GALNT13: variants seen among roughly 807,000 people sequenced by gnomAD.
GALNT13 encodes the protein polypeptide N-acetylgalactosaminyltransferase 13.
A neutral mutation model predicts 64.2 loss-of-function variants in GALNT13; 28 were observed. That is an observed-to-expected ratio of 0.44 (90% CI 0.32 to 0.60). The LOEUF is 0.60. Ranked by LOEUF, GALNT13 falls within the 20% of genes least tolerant of loss-of-function variation. The pLI is 0.05. For missense variants in GALNT13, 577 were observed against 669.8 expected, an observed-to-expected ratio of 0.86 and a Z score of 1.53; for synonymous variants, 214 against 224.6, an observed-to-expected ratio of 0.95 and a Z score of 0.42.
chr2:153,630,880 A>C, the GALNT13 span, among the ~76,000 whole-genome samples: 1 of 138,970 alleles, frequency 7.2e-6, no homozygotes, highest in Admixed American at 7.7e-5. Context: ...TTACATATGT[A>C]TACATGTGCC....
At chr2:154,356,678 CATTA>C (rs1442271405) in intron 9 of GALNT13, among the ~76,000 whole-genome samples, 1 of 151,882 alleles carries the variant, frequency 6.6e-6, no homozygotes, top group African/African-American at 2.4e-5. Flanking sequence ...AAACCTCCGC[CATTA>C]ATTTACTTAC....
the GALNT13 span, among the ~76,000 whole-genome samples, chr2:153,435,603 A>T: frequency 2.6e-5 from 4 of 151,896 alleles, no homozygotes; most frequent in Non-Finnish European, 5.9e-5. Flanking sequence ...TGTGAATGGG[A>T]TTTCACTCAT....
At chr2:153,631,749 C>T in the GALNT13 span, among the ~76,000 whole-genome samples, 15 of 152,202 alleles carry the variant, frequency 9.9e-5, no homozygotes, top group South Asian at 2.1e-4. Context: ...TTCTCCCATT[C>T]TGTAGGTTGC....
At chr2:153,879,673 G>A (rs562052847) in intron 1 of GALNT13, among the ~76,000 whole-genome samples, 10 of 151,828 alleles carry the variant, frequency 6.6e-5, no homozygotes, top group Admixed American at 1.3e-4. Context: ...GATCCTGGCC[G>A]TGCTTTGAGC....
At chr2:153,489,809 T>C in the GALNT13 span, among the ~76,000 whole-genome samples, 2 of 152,148 alleles carry the variant, frequency 1.3e-5, no homozygotes, top group Non-Finnish European at 2.9e-5. Context: ...TATAATAGCA[T>C]ATCAAAACTG....
chr2:153,179,345 G>T, the GALNT13 span, among the ~76,000 whole-genome samples: 1 of 152,080 alleles, frequency 6.6e-6, no homozygotes, highest in African/African-American at 2.4e-5. Context: ...CACCTTTATT[G>T]AAAATCAATT....
Position 154,391,745 on chromosome 2 carries a change from A to G in GALNT13, c.1157-4246A>G, listed in dbSNP as rs536617505. The stretch of plus-strand genomic sequence containing the variant: ...TAGTCACAATATCTTGTAAGATATT[A>G]TCAGGTAGGATACCTTATCCTTCAA... On this transcript the variant is annotated intron_variant, in intron 9 of 12. Transcript: ENST00000392825. Among the ~76,000 whole-genome samples the G allele has an allele frequency of 7.2e-5, 11 of 152,352 alleles. No individual in the cohort carries two copies. In the South Asian group the frequency reaches 2.3e-3, roughly 32 times the overall value.
At chr2:153,731,176 C>A in the GALNT13 span, among the ~76,000 whole-genome samples, 1 of 149,352 alleles carries the variant, frequency 6.7e-6, no homozygotes, top group Non-Finnish European at 1.5e-5. Context: ...TTATATAAAA[C>A]ATATTGTCAT....
chr2:154,064,076 G>A (rs967216823), intron 3 of GALNT13, among the ~76,000 whole-genome samples: 14 of 152,164 alleles, frequency 9.2e-5, no homozygotes, highest in African/African-American at 3.1e-4. Flanking sequence ...CTTGCAGGAT[G>A]GAGAGGCCAG....
At chr2:154,353,233 T>C (rs1696511728) in intron 9 of GALNT13, among the ~76,000 whole-genome samples, 1 of 152,202 alleles carries the variant, frequency 6.6e-6, no homozygotes, top group Non-Finnish European at 1.5e-5. Flanking sequence ...TCTATATTCA[T>C]GGAACCCCTG....
chr2:153,645,337 A>G, the GALNT13 span, among the ~76,000 whole-genome samples: 2 of 152,124 alleles, frequency 1.3e-5, no homozygotes, highest in African/African-American at 4.8e-5. Flanking sequence ...GCATAATTTC[A>G]TAGTATTGTA....
the GALNT13 span, among the ~76,000 whole-genome samples, chr2:153,630,977 C>T: frequency 1.4e-4 from 21 of 151,036 alleles, no homozygotes; most frequent in Admixed American, 1.3e-3. Flanking sequence ...CACCCCACAA[C>T]AGGCCCCGGT....
chr2:154,287,375 G>A (rs562089820), intron 8 of GALNT13: 325 of 524,052 alleles, frequency 6.2e-4, no homozygotes, highest in Non-Finnish European at 9.5e-4. Flanking sequence ...CTCTGGGAAC[G>A]TCACCTACCT....
At chr2:153,553,332 C>T in the GALNT13 span, among the ~76,000 whole-genome samples, 2 of 150,010 alleles carry the variant, frequency 1.3e-5, no homozygotes, top group Admixed American at 1.3e-4. Flanking sequence ...AACTCCATCT[C>T]TACAGAAAAA....
At chr2:154,035,339 A>G (rs187396160) in intron 3 of GALNT13, among the ~76,000 whole-genome samples, 32 of 150,580 alleles carry the variant, frequency 2.1e-4, no homozygotes, top group African/African-American at 7.5e-4. Flanking sequence ...TATGTGGTAT[A>G]AGTATTTATT....
the GALNT13 span, among the ~76,000 whole-genome samples, chr2:153,381,441 T>G: frequency 2.0e-5 from 3 of 152,184 alleles, no homozygotes; most frequent in East Asian, 5.8e-4. Context: ...AGAATTCTTT[T>G]AAACGATGTC....
In GALNT13 at chr2:154,104,763, G is replaced by A. The variant is rs1013922021; in HGVS notation, c.143-35574G>A. ...TTTGCCAAAGTCAGAGTGTGTTCTA[G>A]GGTGTGTTTGTGGGAGATTTAGTGA... On this transcript the variant is annotated intron_variant, in intron 3 of 12. Coordinates refer to ENST00000392825, the MANE Select transcript of GALNT13 (RefSeq NM_052917.4). Among the ~76,000 whole-genome samples, 12 of 152,316 alleles carry A rather than the reference G, an allele frequency of 7.9e-5. No homozygotes were observed. In the East Asian group the frequency reaches 2.3e-3, roughly 29 times the overall value.
chr2:154,433,171 G>A (rs1197489180), intron 11 of GALNT13, among the ~76,000 whole-genome samples: 1 of 152,212 alleles, frequency 6.6e-6, no homozygotes, highest in Non-Finnish European at 1.5e-5. Flanking sequence ...TCTGGTACTT[G>A]AGAATATGGC....
At chr2:154,267,580 C>A (rs754558173) in intron 8 of GALNT13, among the ~76,000 whole-genome samples, 8 of 152,102 alleles carry the variant, frequency 5.3e-5, no homozygotes, top group Non-Finnish European at 1.2e-4. Context: ...GCGGAGCTTG[C>A]AGTGAGCCGA....
Sources: gnomAD v4.1 joint callset for allele counts (sites outside exome capture counted in the v4.1 genomes callset) on GRCh38, gnomAD v4.1.1 for gene constraint, MANE v1.5 for transcripts, NCBI Gene and HGNC (gene_info 2026-07-23, HGNC 2026-07-21) for gene names.